The following PDXDC1 variants were observed in gnomAD, a reference collection of about 807,000 sequenced individuals.
PDXDC1 encodes pyridoxal-dependent decarboxylase domain-containing protein 1.
Under a neutral mutation model 100.1 loss-of-function variants are expected in PDXDC1, and 42 were observed. The ratio of observed to expected loss-of-function variants is 0.42; its 90% confidence interval spans 0.33 to 0.54. The LOEUF is 0.54. PDXDC1 is among the 20% of genes least tolerant of loss of function. PDXDC1 has a pLI of 0.10. For missense variants in PDXDC1, 636 were observed against 979.2 expected (o/e 0.65, Z 4.68); for synonymous variants, 260 against 371.7 (o/e 0.70, Z 3.46).
At chr16:15,140,220 G>T (rs993835083), downstream of PDXDC1, among the ~76,000 whole-genome samples, 25 of 151,188 alleles carry the variant, frequency 1.7e-4, no homozygotes, top group Non-Finnish European at 1.0e-4. Flanking sequence ...TGAGGCGGGC[G>T]GATCACCTGA....
In PDXDC1 at chr16:15,009,824, A is replaced by G. The variant is rs371083413; in HGVS notation, c.727+65A>G. ...AGGAGCGAGGCTACGTCCTCAGCCT[A>G]TAAAAGATAAAGTCTTAAGAAATGT... On this transcript the variant is annotated intron_variant, in intron 8 of 22. Coordinates refer to ENST00000396410, the MANE Select transcript of PDXDC1 (RefSeq NM_015027.4). 1.0e-4 allele frequency: 169 copies of G among 1,611,294 alleles called. No homozygotes were observed. The East Asian group carries it at 2.6e-3, about 25-fold the overall frequency.
chr16:15,101,646 T>A (rs1203335355), intron 16 of PDXDC1, among the ~76,000 whole-genome samples: 3 of 148,632 alleles, frequency 2.0e-5, no homozygotes, highest in African/African-American at 7.5e-5. Context: ...GGGAATCACT[T>A]GAACCTGGGA....
intron 16 of PDXDC1, among the ~76,000 whole-genome samples, chr16:15,076,982 T>C (rs1435305781): frequency 8.1e-5 from 12 of 147,712 alleles, no homozygotes; most frequent in Non-Finnish European, 1.5e-4. Flanking sequence ...CCAAATCACT[T>C]TTTTTTTTTT....
chr16:15,027,659 G>A (rs1310810595), intron 14 of PDXDC1, among the ~76,000 whole-genome samples: 11 of 152,282 alleles, frequency 7.2e-5, no homozygotes, highest in African/African-American at 1.9e-4. Flanking sequence ...ACTCCGCCTC[G>A]TCCCCGTGGT....
intron 16 of PDXDC1, chr16:15,073,215 C>G (rs965049657): frequency 1.9e-6 from 2 of 1,026,486 alleles, no homozygotes; most frequent in Non-Finnish European, 2.9e-6. Flanking sequence ...CCTGCAATCC[C>G]AGCACTTTGG....
At chr16:15,027,703 GTGCTCTTCTGCCGGCC>G (rs2042720465) in intron 14 of PDXDC1, among the ~76,000 whole-genome samples, 1 of 152,298 alleles carries the variant, frequency 6.6e-6, no homozygotes, top group African/African-American at 2.4e-5. Flanking sequence ...GCCTGTCGGG[GTGCTCTTCTGCCGGCC>G]TGCTCTCCAT....
chr16:15,067,236 A>C (rs2045018086), intron 16 of PDXDC1, among the ~76,000 whole-genome samples: 1 of 151,824 alleles, frequency 6.6e-6, no homozygotes. Flanking sequence ...TTAAGCTATG[A>C]TCCGGCCTAA....
intron 16 of PDXDC1, among the ~76,000 whole-genome samples, chr16:15,069,319 C>A (rs2045120980): frequency 2.6e-5 from 4 of 152,120 alleles, no homozygotes; most frequent in Non-Finnish European, 4.4e-5. Context: ...GATGATGCAG[C>A]CCAAATGGCA....
intron 16 of PDXDC1, chr16:15,104,741 C>T (rs62039525): frequency 0.57 from 894,251 of 1,557,790 alleles, 221,429 homozygotes; most frequent in Admixed American, 0.68. Context: ...GACGATGCTC[C>T]GCTGCCGCCA....
At chr16:15,131,331 G>C (rs2048047230) in intron 16 of PDXDC1, 18 of 1,558,670 alleles carry the variant, frequency 1.2e-5, no homozygotes, top group Non-Finnish European at 1.6e-5. Flanking sequence ...AGGCCACCTT[G>C]GTGGAGACGG....
chr16:15,059,180 T>G (rs1333242046), intron 16 of PDXDC1, among the ~76,000 whole-genome samples: 1 of 152,050 alleles, frequency 6.6e-6, no homozygotes, highest in Non-Finnish European at 1.5e-5. Flanking sequence ...AAAGGTTGAG[T>G]TGGTGTGTGA....
intron 16 of PDXDC1, among the ~76,000 whole-genome samples, chr16:15,062,338 C>T (rs531739147): frequency 6.6e-6 from 1 of 152,238 alleles, no homozygotes; most frequent in East Asian, 1.9e-4. Context: ...TTGTACCTAA[C>T]ACAATGTGAA....
intron 16 of PDXDC1, among the ~76,000 whole-genome samples, chr16:15,073,927 G>C (rs1424549368): frequency 1.3e-5 from 2 of 152,060 alleles, no homozygotes; most frequent in Non-Finnish European, 2.9e-5. Context: ...AATGATATGA[G>C]AAAATGTTTA....
At chr16:15,122,088 C>G (rs949967874) in intron 16 of PDXDC1, among the ~76,000 whole-genome samples, 11 of 151,098 alleles carry the variant, frequency 7.3e-5, no homozygotes, top group Non-Finnish European at 1.2e-4. Context: ...TGCTTGAACC[C>G]CGGAAGCGGA....
chr16:15,033,426 C>G, intron 19 of PDXDC1, 27 bp downstream of exon 19: 1 of 1,609,602 alleles, frequency 6.2e-7, no homozygotes, highest in Non-Finnish European at 8.5e-7. Flanking sequence ...AGTGTTCATT[C>G]CTCTTCTGAG....
intron 4 of PDXDC1, among the ~76,000 whole-genome samples, chr16:15,003,882 G>T (rs1323290851): frequency 1.3e-5 from 2 of 152,256 alleles, no homozygotes; most frequent in African/African-American, 2.4e-5. Flanking sequence ...TACTCGGGAG[G>T]CTGAGACAGG....
chr16:14,986,881 G>C (rs1408830809), intron 1 of PDXDC1, among the ~76,000 whole-genome samples: 2 of 152,268 alleles, frequency 1.3e-5, no homozygotes, highest in Non-Finnish European at 1.5e-5. Context: ...TGAGTAGCTG[G>C]GACTACAGGC....
At chr16:15,094,054 A>G in intron 16 of PDXDC1, 1 of 1,151,688 alleles carries the variant, frequency 8.7e-7, no homozygotes, top group Non-Finnish European at 1.3e-6. Flanking sequence ...ACACGCCATG[A>G]GCTTTGTCCC....
At chr16:15,149,737 G>A in the PDXDC1 span, among the ~76,000 whole-genome samples, 1 of 152,118 alleles carries the variant, frequency 6.6e-6, no homozygotes, top group African/African-American at 2.4e-5. Context: ...GCATTTGCGA[G>A]ACAGCAGCAG....
Sources: gnomAD v4.1 joint callset for allele counts (sites outside exome capture counted in the v4.1 genomes callset) on GRCh38, gnomAD v4.1.1 for gene constraint, MANE v1.5 for transcripts, NCBI Gene and HGNC (gene_info 2026-07-23, HGNC 2026-07-21) for gene names.